TENM3: variants seen among roughly 807,000 people sequenced by gnomAD.
The protein encoded by TENM3 is teneurin transmembrane protein 3, also known as teneurin-3.
In TENM3, 63 loss-of-function variants were observed where a neutral mutation model predicts 255.1. The observed-to-expected ratio is 0.25, with a 90% confidence interval of 0.20 to 0.30. The LOEUF (loss-of-function observed/expected upper bound fraction) is 0.30, where lower values mean the gene tolerates loss of function less well. TENM3 is among the 10% of genes least tolerant of loss of function. The pLI, the probability that TENM3 is intolerant of heterozygous loss-of-function variation, is 1.00. For synonymous variants in TENM3, 1,306 were observed against 1,322.3 expected, an observed-to-expected ratio of 0.99 and a Z score of 0.27; for missense variants, 2,929 against 3,461.1, an observed-to-expected ratio of 0.85 and a Z score of 3.86.
chr4:181,662,487 A>C, the TENM3 span, among the ~76,000 whole-genome samples: 1 of 152,310 alleles, frequency 6.6e-6, no homozygotes, highest in African/African-American at 2.4e-5. Flanking sequence ...CTTTTGAAAC[A>C]ATGTTCCTTG....
At chr4:181,481,948 T>G in the TENM3 span, among the ~76,000 whole-genome samples, 1 of 152,160 alleles carries the variant, frequency 6.6e-6, no homozygotes, top group African/African-American at 2.4e-5. Flanking sequence ...GTTTCAGATT[T>G]TGTTCTTTGT....
intron 1 of TENM3, among the ~76,000 whole-genome samples, chr4:182,297,346 A>C (rs2150352914): frequency 6.6e-6 from 1 of 152,350 alleles, no homozygotes; most frequent in African/African-American, 2.4e-5. Flanking sequence ...ATACTGAAAT[A>C]AATAATTTAT....
At chr4:181,595,319 T>C in the TENM3 span, among the ~76,000 whole-genome samples, 3 of 150,938 alleles carry the variant, frequency 2.0e-5, no homozygotes, top group Non-Finnish European at 2.9e-5. Flanking sequence ...TAATCTCAGA[T>C]ACTTGGGAGG....
chr4:181,828,129 A>G, the TENM3 span, among the ~76,000 whole-genome samples: 1 of 152,180 alleles, frequency 6.6e-6, no homozygotes. Flanking sequence ...CCAAACTTCC[A>G]TAGTATCCTG....
the TENM3 span, chr4:181,975,230 C>G: frequency 6.6e-6 from 1 of 151,640 alleles, no homozygotes; most frequent in Non-Finnish European, 1.5e-5. Context: ...CTCCACCTCC[C>G]AGGTTCAAGC....
intron 22 of TENM3, among the ~76,000 whole-genome samples, chr4:182,764,279 T>C (rs77964987): frequency 0.046 from 7,029 of 152,342 alleles, 335 homozygotes; most frequent in Admixed American, 0.12. Context: ...CATTCACTCA[T>C]GTGCTCATTC....
upstream of TENM3, among the ~76,000 whole-genome samples, chr4:182,239,145 C>G (rs575892881): frequency 1.3e-5 from 2 of 151,334 alleles, no homozygotes; most frequent in African/African-American, 4.9e-5. Flanking sequence ...GGCACGATCT[C>G]GACTCACTGT....
In TENM3 at chr4:182,346,843, G is replaced by A; in HGVS notation, c.425G>A (p.Gly142Asp). 1 of 1,613,210 alleles carries A rather than the reference G, an allele frequency of 6.2e-7. No homozygotes were observed. Among genetic ancestry groups the A allele is most frequent in the African/African-American group, 1.3e-5 (1 of 75,008 alleles). The change falls in exon 3 of 28, where the codon GGC (glycine) becomes GAC (aspartate). Residue 142 changes from glycine (G) to aspartate (D), a missense_variant. This residue lies in a region of TENM3 where 283 missense variants were observed against 256.9 expected (regional missense o/e 1.10). Transcript: ENST00000511685. ...CTTTGGGGCAGGGGGGTCAAATCAG[G>A]CCGCAGCTCCTGCCTGTCAAGTCGG... ...MRLWGRGVKS[G>D]RSSCLSSRSN...
the TENM3 span, chr4:181,522,843 C>G: frequency 1.0e-6 from 1 of 952,424 alleles, no homozygotes; most frequent in Admixed American, 1.8e-5. Context: ...ATTTTCAATG[C>G]AGGCTCTAAA....
At chr4:182,630,898 T>C (rs1230102084) in intron 5 of TENM3, among the ~76,000 whole-genome samples, 2 of 152,130 alleles carry the variant, frequency 1.3e-5, no homozygotes, top group African/African-American at 2.4e-5. Context: ...TTGTTAAATA[T>C]TTTGAATATC....
chr4:181,631,296 GTT>G, the TENM3 span, among the ~76,000 whole-genome samples: 2 of 144,396 alleles, frequency 1.4e-5, no homozygotes, highest in Non-Finnish European at 3.1e-5. Context: ...GTTCTTTTTT[GTT>G]TTTTTTTTTA....
chr4:182,347,439 T>C (rs1248576737), intron 3 of TENM3, among the ~76,000 whole-genome samples: 1 of 152,206 alleles, frequency 6.6e-6, no homozygotes. Context: ...GAAGAACAAA[T>C]ATGATCATGC....
chr4:182,654,028 A>G (rs1753551991), intron 6 of TENM3, 135 bp downstream of exon 6: 4 of 824,664 alleles, frequency 4.9e-6, no homozygotes, highest in Non-Finnish European at 6.7e-6. Context: ...ATCTTTTTAT[A>G]AGTTTTTTTC....
chr4:181,915,738 C>A, the TENM3 span, among the ~76,000 whole-genome samples: 1,763 of 151,180 alleles, frequency 0.012, 17 homozygotes, highest in Non-Finnish European at 0.019. Context: ...GAGAGGAGAA[C>A]ACAGAAGATT....
intron 3 of TENM3, among the ~76,000 whole-genome samples, chr4:182,412,625 G>T (rs559452286): frequency 6.6e-6 from 1 of 152,182 alleles, no homozygotes; most frequent in East Asian, 1.9e-4. Flanking sequence ...CAGCACTTTG[G>T]GAGGCCGAGG....
chr4:181,684,944 T>TTTTA, the TENM3 span, among the ~76,000 whole-genome samples: 1 of 101,552 alleles, frequency 9.8e-6, no homozygotes, highest in Non-Finnish European at 2.1e-5. Flanking sequence ...TTTTTTTTTT[T>TTTTA]AAGTAGAAAC....
the TENM3 span, among the ~76,000 whole-genome samples, chr4:181,453,544 C>T: frequency 1.4e-5 from 2 of 144,994 alleles, no homozygotes; most frequent in East Asian, 4.3e-4. Flanking sequence ...AACGAAGAGT[C>T]ATGTAAAAGT....
In TENM3 at chr4:182,714,328, A is replaced by C. The variant is rs984041921; in HGVS notation, c.2368+95A>C. 3.7e-4 allele frequency: 363 copies of C among 992,572 alleles called. 1 individual carries two copies. Among genetic ancestry groups the C allele is most frequent in the Non-Finnish European group, 4.5e-4 (320 of 708,702 alleles). 61.5% of individuals were successfully genotyped at this position (992,572 alleles called of 1,614,324 possible). ...GATATCTGTTGCCAAAAAAAAAAAAAAAAAAAAAAAACCTGATCCCCATCG... is the reference window on the plus strand; with the variant it reads ...GATATCTGTTGCCAAAAAAAAAAAACAAAAAAAAAAACCTGATCCCCATCG... On this transcript the variant is annotated intron_variant, in intron 13 of 27. Transcript: ENST00000511685.
rs143867840 is a variant in TENM3 at position 182,517,663 on chromosome 4, G to A, written c.512-83261G>A. Among the ~76,000 whole-genome samples the A allele has an allele frequency of 5.0e-3, 651 of 130,144 alleles. 39 individuals carry two copies. The highest frequency in any genetic ancestry group is 8.7e-3 in the Non-Finnish European group (524 of 60,108). The allele number at this position is 130,144 out of a possible 152,430, so 85.4% of individuals were successfully genotyped here. The stretch of plus-strand genomic sequence containing the variant: ...CTCCCAAAGTGCTGGGATTACAGGC[G>A]TGAGCCACCGCGCCCGGCCAAACAA... On this transcript the variant is annotated intron_variant, in intron 3 of 27. Coordinates refer to ENST00000511685, the MANE Select transcript of TENM3 (RefSeq NM_001080477.4).
Sources: allele counts gnomAD v4.1 joint callset (sites outside exome capture counted in the v4.1 genomes callset), GRCh38; gene constraint gnomAD v4.1.1; regional missense constraint gnomAD v4.1.1; transcripts MANE v1.5; gene names NCBI Gene and HGNC (gene_info 2026-07-23, HGNC 2026-07-21).